The following ZNF569 variants were observed in gnomAD, a reference collection of about 807,000 sequenced individuals.
ZNF569 encodes the protein DNA-binding protein.
Under a neutral mutation model 56.3 loss-of-function variants are expected in ZNF569, and 38 were observed. That is an observed-to-expected ratio of 0.68 (90% CI 0.52 to 0.88). ZNF569 has a LOEUF of 0.88. ZNF569 is among the 40% of genes least tolerant of loss of function. ZNF569 has a pLI of 0.00. For synonymous variants in ZNF569, 241 were observed against 262.9 expected (o/e 0.92, Z 0.81); for missense variants, 666 against 809.2 (o/e 0.82, Z 2.15).
At chr19:37,453,473 T>G (rs1447589827) in intron 2 of ZNF569, among the ~76,000 whole-genome samples, 1 of 152,186 alleles carries the variant, frequency 6.6e-6, no homozygotes, top group Non-Finnish European at 1.5e-5. Context: ...GTATTTTTGC[T>G]TGGTGTGAAA....
chr19:37,430,498 C>T (rs1319298755), intron 3 of ZNF569, among the ~76,000 whole-genome samples: 2 of 151,270 alleles, frequency 1.3e-5, no homozygotes, highest in African/African-American at 2.5e-5. Flanking sequence ...TTATCTTCAC[C>T]AACCACAATA....
chr19:37,448,623 T>A lies in ZNF569; in HGVS notation c.-43-3659A>T, dbSNP rs1329778263. ...CTGTCGCCCAGGCTGGAGTGCAGTG[T>A]TGTGGTCTCAGCTCACCGCAAGCTC... On this transcript the variant is annotated intron_variant, in intron 2 of 5. Transcript: ENST00000316950. Among the ~76,000 whole-genome samples, 8 of 147,314 alleles carry A rather than the reference T, an allele frequency of 5.4e-5. No individual in the cohort carries two copies. In the Admixed American group the frequency reaches 5.5e-4, roughly 10 times the overall value.
At chr19:37,448,379 T>C (rs1019234909) in intron 2 of ZNF569, among the ~76,000 whole-genome samples, 27 of 152,158 alleles carry the variant, frequency 1.8e-4, no homozygotes, top group Non-Finnish European at 4.4e-5. Flanking sequence ...AGTATTCTTT[T>C]ATTATCCTTT....
rs2041695055 is a variant in ZNF569 at position 37,457,675 on chromosome 19, TG to T, written c.-44+7637del. Among the ~76,000 whole-genome samples, 3 of 70,596 alleles carry T rather than the reference TG, an allele frequency of 4.2e-5. No individual in the cohort carries two copies. In the Admixed American group the frequency reaches 6.1e-4, roughly 14 times the overall value. 46.3% of individuals were successfully genotyped at this position (70,596 alleles called of 152,430 possible). A position where few individuals can be genotyped will look rare whatever the true frequency, so the allele number is the denominator to read the frequency against. On this transcript the variant is annotated intron_variant, in intron 2 of 5. Transcript: ENST00000316950. ...ACACAGGATGGGGAACATCACACAC[TG>T]GGGCCTGTCATGGGGTTGGGGGAGG... is the stretch of plus-strand genomic sequence containing the variant.
chr19:37,469,042 C>T (rs1284926021), upstream of ZNF569: 28 of 991,450 alleles, frequency 2.8e-5, no homozygotes, highest in Admixed American at 1.6e-3. Context: ...GGGAGGCGCG[C>T]AGAGCGCTTG....
At chr19:37,425,318 ATTTT>A (rs770808954) in intron 5 of ZNF569, among the ~76,000 whole-genome samples, 1 of 104,168 alleles carries the variant, frequency 9.6e-6, no homozygotes, top group South Asian at 3.8e-4. Flanking sequence ...CACGTGGCTA[ATTTT>A]TTTTTTTTTT....
At chr19:37,432,118 A>G (rs905459956) in intron 3 of ZNF569, among the ~76,000 whole-genome samples, 3 of 152,198 alleles carry the variant, frequency 2.0e-5, no homozygotes, top group African/African-American at 4.8e-5. Context: ...TCTAAAGGGA[A>G]GGAAACAAGA....
intron 2 of ZNF569, among the ~76,000 whole-genome samples, chr19:37,454,400 T>C (rs944196145): frequency 6.6e-6 from 1 of 152,164 alleles, no homozygotes; most frequent in Admixed American, 6.5e-5. Context: ...GCAGACACCA[T>C]ATCCCTAAGT....
At position 37,464,661 on chromosome 19, in the gene ZNF569, T is replaced by TA. The variant is rs141795668; in HGVS notation, c.-44+651dup. On this transcript the variant is annotated intron_variant, in intron 2 of 5. Coordinates refer to ENST00000316950, the MANE Select transcript of ZNF569 (RefSeq NM_152484.3). ...TATAGCCTAGGTTTGCAGGAGGCTA[T>TA]ACCATCTAGGTTGTGTAAGTATACT... 7.1e-3 allele frequency among the ~76,000 whole-genome samples: 1,081 copies of TA among 152,312 alleles called. 14 individuals are homozygous for TA. The highest frequency in any genetic ancestry group is 0.024 in the African/African-American group (1,007 of 41,552).
chr19:37,448,178 T>G (rs1172177643), intron 2 of ZNF569, among the ~76,000 whole-genome samples: 1 of 152,222 alleles, frequency 6.6e-6, no homozygotes, highest in Non-Finnish European at 1.5e-5. Context: ...AGATGTTTAG[T>G]ACTTCACCTG....
rs1362203814 is a variant in ZNF569, at chr19:37,414,102, AG to A, written c.555del (p.Phe186LeufsTer20). On this transcript the variant is annotated frameshift_variant, in exon 6 of 6. Coordinates refer to ENST00000316950, the MANE Select transcript of ZNF569 (RefSeq NM_152484.3). LOFTEE classifies it high-confidence loss of function. ...CCTTTTCCACAATGATTACACTTAA[AG>A]GGGGTAATGACAAAATGGGATGAGC... ...GNSSSHFVIT[P>X]FKCNHCGKGF... The A allele has an allele frequency of 6.2e-7, 1 of 1,613,874 alleles. No individual in the cohort carries two copies. Among genetic ancestry groups the A allele is most frequent in the Admixed American group, 1.7e-5 (1 of 60,020 alleles).
Position 37,418,934 on chromosome 19 carries a change from T to G in ZNF569, c.239-4515A>C, listed in dbSNP as rs2040982688. On this transcript the variant is annotated intron_variant, in intron 5 of 5. Coordinates refer to ENST00000316950, the MANE Select transcript of ZNF569 (RefSeq NM_152484.3). The stretch of plus-strand genomic sequence containing the variant: ...TTGCTGCTTACTTCCAATAGGAAAA[T>G]GGAAATTTTTCTCCTCTCTGCCAGC... 2.0e-5 allele frequency among the ~76,000 whole-genome samples: 3 copies of G among 152,252 alleles called. No individual in the cohort carries two copies. In the South Asian group the frequency reaches 6.2e-4, roughly 32 times the overall value.
chr19:37,441,084 C>A (rs2041396913), intron 3 of ZNF569, among the ~76,000 whole-genome samples: 1 of 152,078 alleles, frequency 6.6e-6, no homozygotes, highest in Non-Finnish European at 1.5e-5. Flanking sequence ...ATTTTCTCCA[C>A]TTAACTTTAT....
chr19:37,437,233 T>A (rs1310056480), intron 3 of ZNF569, among the ~76,000 whole-genome samples: 2 of 152,106 alleles, frequency 1.3e-5, no homozygotes, highest in Non-Finnish European at 2.9e-5. Context: ...ACAAAAACCA[T>A]ATGATCATTT....
Position 37,426,354 on chromosome 19 carries a change from C to T in ZNF569, c.40G>A (p.Ala14Thr). The T allele has an allele frequency of 6.2e-7, 1 of 1,611,916 alleles. No homozygotes were observed. The highest frequency in any genetic ancestry group is 8.5e-7 in the Non-Finnish European group (1 of 1,179,204). ...SQGTVTFKDVAIDFTQEEWKR... is the reference protein window; with the variant it reads ...SQGTVTFKDVTIDFTQEEWKR... ...CACTCCTCCTGAGTGAAGTCGATAG[C>T]CACATCTTTGAATGTTACTGTTCCC... Residue 14 changes from alanine to threonine, a missense_variant, in exon 4 of 6, where the codon GCT becomes ACT. Physicochemically the swap from Ala to Thr is moderately conservative, Grantham distance 58. Transcript: ENST00000316950.
At position 37,426,360 on chromosome 19, in the gene ZNF569, CT is replaced by C. The variant is rs1329200311; in HGVS notation, c.33del (p.Asp12MetfsTer25). On this transcript the variant is annotated frameshift_variant, in exon 4 of 6. Coordinates refer to ENST00000316950, the MANE Select transcript of ZNF569 (RefSeq NM_152484.3). LOFTEE classifies it high-confidence loss of function. ...TCCTGAGTGAAGTCGATAGCCACATCTTTGAATGTTACTGTTCCCTGTAACA... is the reference window on the plus strand; with the variant it reads ...TCCTGAGTGAAGTCGATAGCCACATCTTGAATGTTACTGTTCCCTGTAACA... Reference protein sequence around the residue: MTESQGTVTFKDVAIDFTQEE... With the variant: MTESQGTVTFXDVAIDFTQEE... The C allele has an allele frequency of 1.2e-6, 2 of 1,610,988 alleles. No individual in the cohort carries two copies. The highest frequency in any genetic ancestry group is 1.7e-6 in the Non-Finnish European group (2 of 1,178,944).
rs1011924636 is a variant in ZNF569 at position 37,461,575 on chromosome 19, G to C, written c.-44+3738C>G. Reference sequence around the variant, plus strand: ...CCACTATGGCCTCCCAAAGTGCTGGGATTACAGGCATGAGCCACCATGCCC... The same window carrying C: ...CCACTATGGCCTCCCAAAGTGCTGGCATTACAGGCATGAGCCACCATGCCC... On this transcript the variant is annotated intron_variant, in intron 2 of 5. Coordinates refer to ENST00000316950, the MANE Select transcript of ZNF569 (RefSeq NM_152484.3). 2.6e-5 allele frequency among the ~76,000 whole-genome samples: 4 copies of C among 152,146 alleles called. No homozygotes were observed. In the South Asian group the frequency reaches 8.3e-4, roughly 32 times the overall value.
chr19:37,429,867 AT>A (rs1461307907), intron 3 of ZNF569, among the ~76,000 whole-genome samples: 2 of 152,320 alleles, frequency 1.3e-5, no homozygotes, highest in Admixed American at 1.3e-4. Flanking sequence ...AAATGATGCA[AT>A]TTGAAGAAGA....
At chr19:37,446,795 C>A (rs1171420439) in intron 2 of ZNF569, among the ~76,000 whole-genome samples, 1 of 152,004 alleles carries the variant, frequency 6.6e-6, no homozygotes, top group Admixed American at 6.6e-5. Context: ...AGCTTCTGCA[C>A]AGCAAAATAA....
Sources: gnomAD v4.1 joint callset for allele counts (sites outside exome capture counted in the v4.1 genomes callset) on GRCh38, gnomAD v4.1.1 for gene constraint, MANE v1.5 for transcripts, NCBI Gene and HGNC (gene_info 2026-07-23, HGNC 2026-07-21) for gene names.